SPATA17: variants seen among roughly 807,000 people sequenced by gnomAD.
SPATA17 encodes the protein spermatogenesis associated 17, also known as spermatogenesis-associated protein 17.
In SPATA17, 53 loss-of-function variants were observed where a neutral mutation model predicts 62.2. That is an observed-to-expected ratio of 0.85 (90% CI 0.68 to 1.07). The LOEUF (loss-of-function observed/expected upper bound fraction) is 1.07. SPATA17 is among the 50% of genes least tolerant of loss of function. SPATA17 has a pLI of 0.00. For synonymous variants in SPATA17, 146 were observed against 146.8 expected (o/e 0.99, Z 0.04); for missense variants, 466 against 425.5 (o/e 1.10, Z -0.84).
intron 8 of SPATA17, among the ~76,000 whole-genome samples, 189 bp from the exon 9 acceptor site, chr1:217,801,529 A>C (rs1411665936): frequency 6.6e-6 from 1 of 152,226 alleles, no homozygotes; most frequent in Admixed American, 6.5e-5. Flanking sequence ...TTTGCAGAAT[A>C]GAAAATAAAG....
intron 3 of SPATA17, among the ~76,000 whole-genome samples, chr1:217,658,322 C>T (rs916706877): frequency 5.9e-5 from 9 of 152,276 alleles, no homozygotes; most frequent in South Asian, 2.1e-4. Context: ...GCAGCTTGAA[C>T]GGCTCCCTCT....
chr1:217,673,828 G>A (rs1236259919), intron 4 of SPATA17, among the ~76,000 whole-genome samples: 1 of 152,108 alleles, frequency 6.6e-6, no homozygotes, highest in East Asian at 1.9e-4. Context: ...ATATCCCCAG[G>A]TAGCAAAAGA....
chr1:217,673,708 A>C (rs1670883365), intron 4 of SPATA17, among the ~76,000 whole-genome samples: 1 of 152,132 alleles, frequency 6.6e-6, no homozygotes, highest in African/African-American at 2.4e-5. Context: ...TATAGTGAGC[A>C]CTTGGGTGTC....
intron 8 of SPATA17, 83 bp from the exon 9 acceptor site, chr1:217,801,635 A>G: frequency 8.5e-7 from 1 of 1,171,680 alleles, no homozygotes. Flanking sequence ...TCACTGTACT[A>G]TAGTACTTCT....
intron 5 of SPATA17, among the ~76,000 whole-genome samples, chr1:217,735,104 A>G (rs1348831819): frequency 6.6e-6 from 1 of 152,208 alleles, no homozygotes; most frequent in Non-Finnish European, 1.5e-5. Context: ...TGCTGGCACC[A>G]AGTTCGTACT....
At chr1:217,636,775 T>C (rs1183850165) in intron 1 of SPATA17, among the ~76,000 whole-genome samples, 1 of 152,220 alleles carries the variant, frequency 6.6e-6, no homozygotes, top group Non-Finnish European at 1.5e-5. Context: ...ATTTTTCCCA[T>C]TTCTACTTTC....
chr1:217,770,510 T>C (rs1673411882), intron 6 of SPATA17, among the ~76,000 whole-genome samples: 1 of 152,182 alleles, frequency 6.6e-6, no homozygotes, highest in Non-Finnish European at 1.5e-5. Flanking sequence ...CTGTGTCTTA[T>C]TCTTCCTATT....
In SPATA17 at chr1:217,690,492, AT is replaced by A. The variant is rs1386225545; in HGVS notation, c.395+7140del. Among the ~76,000 whole-genome samples, 651 of 133,214 alleles carry A rather than the reference AT, an allele frequency of 4.9e-3. 3 individuals carry two copies. The highest frequency in any genetic ancestry group is 0.014 in the African/African-American group (512 of 36,310). The allele number at this position is 133,214 out of a possible 152,430, so 87.4% of individuals were successfully genotyped here. On this transcript the variant is annotated intron_variant, in intron 5 of 10. Transcript: ENST00000366933. ...TTTTTTATTTTTTTTTTTTTTAATT[AT>A]TTTTTTTTATTATACTTTAAGTTTT... is the stretch of plus-strand genomic sequence containing the variant.
At chr1:217,753,503 G>T (rs983433252) in intron 6 of SPATA17, among the ~76,000 whole-genome samples, 4 of 151,500 alleles carry the variant, frequency 2.6e-5, no homozygotes, top group Non-Finnish European at 5.9e-5. Context: ...ATCAAACTCA[G>T]GATCAGTTTA....
chr1:217,797,340 C>G (rs183408225), intron 8 of SPATA17, among the ~76,000 whole-genome samples: 26 of 148,582 alleles, frequency 1.7e-4, no homozygotes, highest in African/African-American at 5.2e-4. Flanking sequence ...GCCTCCACCT[C>G]CCGGGTTCAG....
chr1:217,856,813 C>T (rs1034160430), intron 9 of SPATA17, among the ~76,000 whole-genome samples: 1 of 152,176 alleles, frequency 6.6e-6, no homozygotes, highest in Non-Finnish European at 1.5e-5. Context: ...CATGTCATCA[C>T]AGTTTTCTAC....
intron 5 of SPATA17, among the ~76,000 whole-genome samples, chr1:217,713,760 A>G (rs1411324674): frequency 6.6e-6 from 1 of 152,208 alleles, no homozygotes; most frequent in Non-Finnish European, 1.5e-5. Flanking sequence ...TTTGAAGTCC[A>G]AGGTTAAATT....
At chr1:217,806,793 T>C (rs1218890592) in intron 9 of SPATA17, among the ~76,000 whole-genome samples, 10 of 152,312 alleles carry the variant, frequency 6.6e-5, no homozygotes, top group South Asian at 4.1e-4. Context: ...TGACATCATT[T>C]AATCTTAATC....
intron 9 of SPATA17, among the ~76,000 whole-genome samples, chr1:217,846,690 A>T (rs903715695): frequency 6.6e-6 from 1 of 152,100 alleles, no homozygotes; most frequent in East Asian, 1.9e-4. Flanking sequence ...TGTTATATAT[A>T]CTTGCTACTT....
At chr1:217,807,376 A>C (rs1674458195) in intron 9 of SPATA17, among the ~76,000 whole-genome samples, 1 of 152,154 alleles carries the variant, frequency 6.6e-6, no homozygotes, top group Admixed American at 6.5e-5. Flanking sequence ...TAATATATTC[A>C]TATAACAAAC....
At chr1:217,633,235 A>G (rs894025962) in intron 1 of SPATA17, among the ~76,000 whole-genome samples, 1 of 144,842 alleles carries the variant, frequency 6.9e-6, no homozygotes, top group Non-Finnish European at 1.5e-5. Flanking sequence ...TAAATAAATA[A>G]TAACAACAAT....
intron 5 of SPATA17, among the ~76,000 whole-genome samples, chr1:217,736,415 T>C (rs1373270131): frequency 6.6e-6 from 1 of 152,216 alleles, no homozygotes. Context: ...TAAACAAATA[T>C]ATCCATAAAT....
chr1:217,766,481 C>T (rs537854383), intron 6 of SPATA17, among the ~76,000 whole-genome samples: 30 of 151,942 alleles, frequency 2.0e-4, no homozygotes, highest in African/African-American at 7.0e-4. Context: ...AAATAATTAT[C>T]GTTTCTCCAT....
chr1:217,679,003 A>T (rs972136528), intron 4 of SPATA17, among the ~76,000 whole-genome samples: 16 of 152,080 alleles, frequency 1.1e-4, no homozygotes, highest in African/African-American at 3.9e-4. Context: ...AAGAACATTT[A>T]AAAAAATTAA....
Sources: allele counts gnomAD v4.1 joint callset (sites outside exome capture counted in the v4.1 genomes callset), GRCh38; gene constraint gnomAD v4.1.1; transcripts MANE v1.5; gene names NCBI Gene and HGNC (gene_info 2026-07-23, HGNC 2026-07-21).